The following PDE10A variants were observed in gnomAD, a reference collection of about 807,000 sequenced individuals.
PDE10A encodes cAMP and cAMP-inhibited cGMP 3',5'-cyclic phosphodiesterase 10A.
Under a neutral mutation model 97.7 loss-of-function variants are expected in PDE10A, and 39 were observed. The observed-to-expected ratio is 0.40, with a 90% confidence interval of 0.31 to 0.52. The LOEUF (loss-of-function observed/expected upper bound fraction) is 0.52. Ranked by LOEUF, PDE10A falls within the 20% of genes least tolerant of loss-of-function variation. The probability of loss-of-function intolerance (pLI) is 0.56; values close to 1 mark genes in which losing one functional copy is unlikely to be tolerated. For synonymous variants in PDE10A, 371 were observed against 376.8 expected (o/e 0.98, Z 0.18); for missense variants, 731 against 1,047.8 (o/e 0.70, Z 4.17).
At chr6:165,734,321 CCACA>C (rs1375079044) in intron 1 of PDE10A, among the ~76,000 whole-genome samples, 1 of 152,046 alleles carries the variant, frequency 6.6e-6, no homozygotes, top group Admixed American at 6.6e-5. Flanking sequence ...ACCACCCGAG[CCACA>C]CACATGCTTC....
chr6:165,800,471 C>T (rs1034714007), intron 1 of PDE10A, among the ~76,000 whole-genome samples: 1 of 152,166 alleles, frequency 6.6e-6, no homozygotes, highest in Non-Finnish European at 1.5e-5. Flanking sequence ...GAGGTGTGAG[C>T]GTCCCTCTGG....
At chr6:165,958,756 A>AGAAAGAAG (rs1784267056) in intron 1 of PDE10A, among the ~76,000 whole-genome samples, 1 of 151,910 alleles carries the variant, frequency 6.6e-6, no homozygotes, top group African/African-American at 2.4e-5. Context: ...AGAGAAAGAA[A>AGAAAGAAG]GAAAGAAAGA....
intron 1 of PDE10A, among the ~76,000 whole-genome samples, chr6:165,691,080 T>TCTCC (rs1791260762): frequency 2.7e-5 from 1 of 37,642 alleles, no homozygotes; most frequent in African/African-American, 1.2e-4. Context: ...TCTCTTTCTC[T>TCTCC]CTCTCTCTCT....
rs145816376 is a variant in PDE10A at position 165,536,798 on chromosome 6, A to G, written c.994+6642T>C. On this transcript the variant is annotated intron_variant, in intron 2 of 21. Transcript: ENST00000539869. The stretch of plus-strand genomic sequence containing the variant: ...AATGACTGTTGTCAAAAAAGACAGA[A>G]AACAACAAATGCTGGCGAAGAAAGG... Among the ~76,000 whole-genome samples the G allele has an allele frequency of 5.1e-3, 773 of 152,140 alleles. 6 individuals are homozygous for G. The highest frequency in any genetic ancestry group is 0.017 in the African/African-American group (724 of 41,556).
chr6:165,794,560 CACTT>C (rs750303854), intron 1 of PDE10A, among the ~76,000 whole-genome samples: 25 of 151,536 alleles, frequency 1.6e-4, no homozygotes, highest in Non-Finnish European at 3.2e-4. Context: ...CTCACAAGGT[CACTT>C]ACACACACAT....
intron 1 of PDE10A, among the ~76,000 whole-genome samples, chr6:165,903,623 C>T (rs144662050): frequency 2.6e-5 from 4 of 152,048 alleles, no homozygotes; most frequent in African/African-American, 4.8e-5. Flanking sequence ...TATAACAGGC[C>T]GCTACTCATC....
rs2128171823 is a variant in PDE10A at position 165,331,538 on chromosome 6, A to C, written c.*1487T>G. 1 of 152,318 alleles carries C rather than the reference A, an allele frequency of 6.6e-6. No homozygotes were observed. The highest frequency in any genetic ancestry group is 2.4e-5 in the African/African-American group (1 of 41,562). The allele number at this position is 152,318 out of a possible 1,614,324, so 9.4% of individuals were successfully genotyped here. On this transcript the variant is annotated 3_prime_UTR_variant, in exon 22 of 22. Coordinates refer to ENST00000539869, the MANE Select transcript of PDE10A (RefSeq NM_001385079.1). Reference sequence around the variant, plus strand: ...AGAAGCATATTTTTCCATTTTATTAAAAGCGATATTCCAGTTTCCTGCCAC... The same window carrying C: ...AGAAGCATATTTTTCCATTTTATTACAAGCGATATTCCAGTTTCCTGCCAC...
At chr6:165,632,496 G>C (rs2128415360) in intron 1 of PDE10A, among the ~76,000 whole-genome samples, 1 of 152,306 alleles carries the variant, frequency 6.6e-6, no homozygotes, top group Non-Finnish European at 1.5e-5. Context: ...GGGAATCATT[G>C]TGAAATGCAC....
At chr6:165,957,958 C>T (rs570672736) in intron 1 of PDE10A, among the ~76,000 whole-genome samples, 12 of 152,292 alleles carry the variant, frequency 7.9e-5, no homozygotes, top group East Asian at 7.7e-4. Context: ...GGAGAGCAAG[C>T]GGTGGTTCCC....
chr6:165,646,405 G>A (rs1789400012), intron 1 of PDE10A, among the ~76,000 whole-genome samples: 2 of 152,128 alleles, frequency 1.3e-5, no homozygotes, highest in Non-Finnish European at 2.9e-5. Flanking sequence ...CTTCTGTGCA[G>A]GAAAAAGTAT....
intron 1 of PDE10A, among the ~76,000 whole-genome samples, chr6:165,820,530 A>G (rs1387067775): frequency 6.6e-6 from 1 of 152,252 alleles, no homozygotes; most frequent in East Asian, 1.9e-4. Flanking sequence ...GTTTGAAATC[A>G]GGTGAAGACA....
At chr6:165,779,443 C>T (rs192064424) in intron 1 of PDE10A, among the ~76,000 whole-genome samples, 13 of 152,286 alleles carry the variant, frequency 8.5e-5, no homozygotes, top group African/African-American at 1.4e-4. Flanking sequence ...ATCACTTCAG[C>T]GGCTCCCTAT....
chr6:165,436,114 T>C (rs1789995631), intron 5 of PDE10A, among the ~76,000 whole-genome samples: 1 of 152,216 alleles, frequency 6.6e-6, no homozygotes, highest in Non-Finnish European at 1.5e-5. Flanking sequence ...CATGTAGAAA[T>C]TGGGGGCAAT....
intron 1 of PDE10A, among the ~76,000 whole-genome samples, chr6:165,929,526 A>T (rs1783056862): frequency 1.3e-5 from 2 of 152,304 alleles, no homozygotes; most frequent in Admixed American, 1.3e-4. Context: ...ACCCGGAGTG[A>T]CCACTGTGTG....
intron 1 of PDE10A, among the ~76,000 whole-genome samples, chr6:165,938,793 C>A (rs566809197): frequency 1.5e-3 from 230 of 152,164 alleles, no homozygotes; most frequent in Non-Finnish European, 2.9e-3. Flanking sequence ...CTACATATAA[C>A]CAGGTCGATG....
chr6:165,697,787 G>A (rs1461396113), intron 1 of PDE10A, among the ~76,000 whole-genome samples: 1 of 152,190 alleles, frequency 6.6e-6, no homozygotes, highest in Non-Finnish European at 1.5e-5. Context: ...GGATGATGGT[G>A]ATGGTTGCAC....
chr6:165,670,958 A>G (rs552169452), intron 1 of PDE10A, among the ~76,000 whole-genome samples: 3 of 152,272 alleles, frequency 2.0e-5, no homozygotes, highest in African/African-American at 4.8e-5. Context: ...AGTTGTCCCT[A>G]TTGATCACAT....
At chr6:165,986,500 C>CCTCTCTCTCTCTCTCTCTCTCTCT (rs1353099002) in intron 1 of PDE10A, 1 of 130,436 alleles carries the variant, frequency 7.7e-6, no homozygotes, top group African/African-American at 3.1e-5. Context: ...TGGTGTTGCG[C>CCTCTCTCTCTCTCTCTCTCTCTCT]CTCTCTCTCT....
chr6:165,376,323 T>C (rs1049410176), intron 18 of PDE10A, among the ~76,000 whole-genome samples: 15 of 152,214 alleles, frequency 9.9e-5, no homozygotes, highest in African/African-American at 3.4e-4. Flanking sequence ...GCAATCATGA[T>C]CAAACTTGAA....
Sources: gnomAD v4.1 joint callset for allele counts (sites outside exome capture counted in the v4.1 genomes callset) on GRCh38, gnomAD v4.1.1 for gene constraint, MANE v1.5 for transcripts, NCBI Gene and HGNC (gene_info 2026-07-23, HGNC 2026-07-21) for gene names.